ZBTB49: variants seen among roughly 807,000 people sequenced by gnomAD.
ZBTB49 encodes zinc finger and BTB domain-containing protein 49.
A neutral mutation model predicts 57.5 loss-of-function variants in ZBTB49; 43 were observed. The ratio of observed to expected loss-of-function variants is 0.75; its 90% CI spans 0.59 to 0.97. ZBTB49 has a LOEUF of 0.97. ZBTB49 is among the 50% of genes least tolerant of loss of function. The pLI is 0.00. For missense variants in ZBTB49, 938 were observed against 947.7 expected (o/e 0.99, Z 0.13); for synonymous variants, 369 against 362.1 (o/e 1.02, Z -0.22).
Position 4,302,936 on chromosome 4 carries a change from T to G in ZBTB49, c.1100T>G (p.Phe367Cys). ...ESEEVVSCEN[F>C]NCISETERPE... ...GAAGAAGTCGTCAGTTGTGAGAATT[T>G]TAATTGCATTAGTGAGACGGAGAGG... The change falls in exon 3 of 8, where the codon TTT becomes TGT. Residue 367 changes from phenylalanine (F) to cysteine (C), a missense_variant. Phe to Cys is a radical substitution (Grantham distance 205, BLOSUM62 -2). Coordinates refer to ENST00000337872, the MANE Select transcript of ZBTB49 (RefSeq NM_145291.4). 1 of 1,614,242 alleles carries G rather than the reference T, an allele frequency of 6.2e-7. No homozygotes were observed. Among genetic ancestry groups the G allele is most frequent in the South Asian group, 1.1e-5 (1 of 91,082 alleles).
At chr4:4,303,221 G>C in intron 3 of ZBTB49, 130 bp downstream of exon 3, 1 of 1,130,486 alleles carries the variant, frequency 8.8e-7, no homozygotes, top group Non-Finnish European at 1.2e-6. Context: ...AACAAAATAA[G>C]GGGGATTAAC....
intron 4 of ZBTB49, among the ~76,000 whole-genome samples, chr4:4,308,530 A>G (rs1720839443): frequency 6.6e-6 from 1 of 152,116 alleles, no homozygotes; most frequent in South Asian, 2.1e-4. Flanking sequence ...TGGTCTGTGT[A>G]CTTTTGTTAG....
intron 5 of ZBTB49, among the ~76,000 whole-genome samples, chr4:4,314,462 C>G (rs375372883): frequency 3.3e-5 from 5 of 152,232 alleles, no homozygotes; most frequent in African/African-American, 7.2e-5. Flanking sequence ...ACCTCCACCC[C>G]CTGGGTTCAA....
intron 5 of ZBTB49, 23 bp downstream of exon 5, chr4:4,313,137 C>T (rs763206378): frequency 5.0e-6 from 8 of 1,613,246 alleles, no homozygotes; most frequent in South Asian, 2.2e-5. Flanking sequence ...CGTGTTCTTC[C>T]GTGTGGAAGG....
chr4:4,320,072 C>T (rs1288487184), intron 7 of ZBTB49, among the ~76,000 whole-genome samples: 3 of 151,732 alleles, frequency 2.0e-5, no homozygotes, highest in Non-Finnish European at 4.4e-5. Context: ...AGACAAACAC[C>T]CGAATACACA....
chr4:4,319,635 A>T (rs935646184), intron 7 of ZBTB49, among the ~76,000 whole-genome samples: 6 of 152,252 alleles, frequency 3.9e-5, no homozygotes, highest in African/African-American at 1.4e-4. Context: ...AGCTAGGCCA[A>T]CATGGCAAAA....
intron 1 of ZBTB49, among the ~76,000 whole-genome samples, chr4:4,293,418 C>A (rs112971867): frequency 0.021 from 3,158 of 152,268 alleles, 103 homozygotes; most frequent in African/African-American, 0.072. Flanking sequence ...GCAGCTGATT[C>A]CGATCAAAGG....
intron 5 of ZBTB49, among the ~76,000 whole-genome samples, chr4:4,314,220 C>T (rs16835572): frequency 0.064 from 9,732 of 152,306 alleles, 797 homozygotes; most frequent in East Asian, 0.32. Context: ...CCAGTGTCAT[C>T]TGCCGCTCCT....
chr4:4,308,514 C>T (rs11726571), intron 4 of ZBTB49, among the ~76,000 whole-genome samples: 36,288 of 152,170 alleles, frequency 0.24, 4,861 homozygotes, highest in Admixed American at 0.31. Context: ...CCCTTCCCTT[C>T]TGTATTGGTC....
chr4:4,306,014 T>A, intron 3 of ZBTB49, 124 bp from the exon 4 acceptor site: 1 of 700,544 alleles, frequency 1.4e-6, no homozygotes, highest in Non-Finnish European at 2.4e-6. Context: ...CACTCCCTAT[T>A]TTCATACTGT....
intron 5 of ZBTB49, among the ~76,000 whole-genome samples, chr4:4,313,783 T>C (rs889601638): frequency 6.6e-6 from 1 of 152,360 alleles, no homozygotes; most frequent in East Asian, 1.9e-4. Context: ...CTCCATCATC[T>C]GGTGGTTGTG....
chr4:4,315,376 T>A (rs1311155257), intron 5 of ZBTB49, among the ~76,000 whole-genome samples: 1 of 152,196 alleles, frequency 6.6e-6, no homozygotes, highest in East Asian at 1.9e-4. Context: ...TCTTGTGCTC[T>A]GTAAAACTGA....
chr4:4,312,000 C>T (rs542111390), intron 4 of ZBTB49, among the ~76,000 whole-genome samples: 13 of 152,226 alleles, frequency 8.5e-5, no homozygotes, highest in African/African-American at 3.1e-4. Context: ...CAAATCTTAA[C>T]CATGAATCTT....
chr4:4,314,440 C>T (rs1024554402), intron 5 of ZBTB49, among the ~76,000 whole-genome samples: 2 of 152,202 alleles, frequency 1.3e-5, no homozygotes. Flanking sequence ...GGCTGAATCT[C>T]GGCTCACTGC....
chr4:4,315,941 G>A lies in ZBTB49; in HGVS notation c.1592G>A (p.Gly531Glu), dbSNP rs1721178106. 27 of 1,613,898 alleles carry A rather than the reference G, an allele frequency of 1.7e-5. No individual in the cohort carries two copies. Among genetic ancestry groups the A allele is most frequent in the Non-Finnish European group, 2.3e-5 (27 of 1,180,018 alleles). ...KLVKHRIRHT[G>E]ERPYSCSACG... ...GTAAAGCACAGAATTCGGCACACGG[G>A]GGAGCGGCCTTACAGCTGCTCTGCC... The change falls in exon 7 of 8, where the codon GGG becomes GAG. Residue 531 changes from glycine to glutamate, a missense_variant. Coordinates refer to ENST00000337872, the MANE Select transcript of ZBTB49 (RefSeq NM_145291.4).
rs764631006 is a variant in ZBTB49, at chr4:4,321,101, G to T, written c.2083G>T (p.Val695Leu). The change falls in exon 8 of 8, where the codon GTG (valine) becomes TTG (leucine). Residue 695 changes from valine to leucine, a missense_variant. By Grantham distance (32) the Val-to-Leu change is conservative. Coordinates refer to ENST00000337872, the MANE Select transcript of ZBTB49 (RefSeq NM_145291.4). ...TQPQAYAYSD[V>L]DTPAGGEPLQ... ...GCCTCAGGCCTATGCTTACTCGGAT[G>T]TGGACACCCCAGCCGGTGGCGAACC... The T allele has an allele frequency of 6.2e-7, 1 of 1,614,196 alleles. No individual in the cohort carries two copies. Among genetic ancestry groups the T allele is most frequent in the South Asian group, 1.1e-5 (1 of 91,082 alleles).
intron 7 of ZBTB49, among the ~76,000 whole-genome samples, chr4:4,317,368 A>G (rs1393624157): frequency 1.3e-5 from 2 of 152,238 alleles, no homozygotes; most frequent in Non-Finnish European, 2.9e-5. Context: ...TTACCAATTT[A>G]AAGTGAACAA....
intron 4 of ZBTB49, among the ~76,000 whole-genome samples, chr4:4,307,063 C>G (rs572336453): frequency 1.3e-5 from 2 of 152,354 alleles, no homozygotes; most frequent in Non-Finnish European, 2.9e-5. Flanking sequence ...TTGAGGGTGT[C>G]AGTTCCATTT....
At chr4:4,298,384 A>C (rs1028884713) in intron 1 of ZBTB49, among the ~76,000 whole-genome samples, 3 of 152,134 alleles carry the variant, frequency 2.0e-5, no homozygotes, top group Non-Finnish European at 4.4e-5. Context: ...GAATGAAGGC[A>C]AAAAAAGCAG....
Sources: allele counts gnomAD v4.1 joint callset (sites outside exome capture counted in the v4.1 genomes callset), GRCh38; gene constraint gnomAD v4.1.1; transcripts MANE v1.5; gene names NCBI Gene and HGNC (gene_info 2026-07-23, HGNC 2026-07-21).